COL4A5: variants seen among roughly 807,000 people sequenced by gnomAD.
COL4A5 encodes the protein collagen type IV alpha 5 chain.
COL4A5 carries 26 observed loss-of-function variants against 130.2 expected under a neutral mutation model. The observed-to-expected ratio is 0.20, with a 90% CI of 0.15 to 0.28. The LOEUF is 0.28. Among genes scored for constraint, COL4A5 ranks in the 10% least tolerant of loss-of-function variants. The pLI is 1.00. For synonymous variants in COL4A5, 496 were observed against 439.6 expected, an observed-to-expected ratio of 1.13 and a Z score of -1.60; for missense variants, 1,131 against 1,344.3, an observed-to-expected ratio of 0.84 and a Z score of 2.48.
intron 39 of COL4A5, 63 bp from the exon 40 acceptor site, chrX:108,667,070 G>A (rs749490508): frequency 5.8e-5 from 60 of 1,043,317 alleles, no homozygotes; most frequent in Non-Finnish European, 7.8e-5. Flanking sequence ...AAATAATTTG[G>A]CCTTGTTTCA....
At chrX:108,510,864 C>CAAAT (rs59951631) in intron 1 of COL4A5, among the ~76,000 whole-genome samples, 11,467 of 110,552 alleles carry the variant, frequency 0.1, 1,291 homozygotes, top group African/African-American at 0.33. Flanking sequence ...TTTTAATTGA[C>CAAAT]AATAATTGCA....
intron 1 of COL4A5, among the ~76,000 whole-genome samples, chrX:108,502,355 G>A (rs1373179004): frequency 3.6e-5 from 4 of 111,024 alleles, no homozygotes; most frequent in South Asian, 3.8e-4. Flanking sequence ...GCGCAATCTC[G>A]GCTCACTGCA....
chrX:108,476,519 CTTTTTTT>C (rs55972915), intron 1 of COL4A5, among the ~76,000 whole-genome samples: 1 of 55,875 alleles, frequency 1.8e-5, no homozygotes, highest in Admixed American at 2.1e-4. Context: ...TCTAACTGTT[CTTTTTTT>C]TTTTTTTTTT....
rs2067081737 is a variant in COL4A5, at chrX:108,622,757, G to C, written c.2849G>C (p.Gly950Ala). 8.3e-7 allele frequency: 1 copy of C among 1,209,575 alleles called. No homozygotes were observed. The highest frequency in any genetic ancestry group is 1.8e-5 in the South Asian group (1 of 56,847). The change falls in exon 33 of 53, where the codon GGC becomes GCC. Residue 950 changes from glycine to alanine, a missense_variant. Transcript: ENST00000328300. The part of the protein sequence containing the change: ...KGSKGEPGLP[G>A]PPGPMDPNLL... ...AGTAAAGGAGAGCCTGGCCTTCCAG[G>C]CCCTCCTGGACCAATGGATCCAAAT...
chrX:108,526,593 CTCCT>C (rs1190065583), intron 1 of COL4A5, among the ~76,000 whole-genome samples: 56 of 45,102 alleles, frequency 1.2e-3, no homozygotes, highest in African/African-American at 5.1e-3. Flanking sequence ...CCCTCCCTCC[CTCCT>C]TTCTTTCTTT....
chrX:108,576,384 G>A (rs367986612), intron 10 of COL4A5, among the ~76,000 whole-genome samples: 5 of 111,525 alleles, frequency 4.5e-5, no homozygotes, highest in East Asian at 5.7e-4. Flanking sequence ...TTTCCTAGGC[G>A]CCTGGGACAA....
chrX:108,656,399 T>C (rs1289865451), intron 37 of COL4A5, among the ~76,000 whole-genome samples: 1 of 112,293 alleles, frequency 8.9e-6, no homozygotes, highest in Non-Finnish European at 1.9e-5. Flanking sequence ...AATTACACAT[T>C]CCCCTGTTGA....
chrX:108,687,590 A>T lies in COL4A5; in HGVS notation c.4424A>T (p.Gln1475Leu). ...AHGFLITRHS[Q>L]TTDAPQCPQG... ...GGATTTCTTATTACACGCCACAGCC[A>T]GACAACGGATGCACCACAATGCCCA... is the stretch of plus-strand genomic sequence containing the variant. The change falls in exon 49 of 53, where the codon CAG (glutamine) becomes CTG (leucine). Residue 1475 changes from glutamine (Q) to leucine (L), a missense_variant. Physicochemically the swap from Gln to Leu is moderately radical, Grantham distance 113. Transcript: ENST00000328300. The T allele has an allele frequency of 1.7e-6, 2 of 1,211,576 alleles. No homozygotes were observed. The highest frequency in any genetic ancestry group is 2.2e-6 in the Non-Finnish European group (2 of 895,266).
intron 1 of COL4A5, among the ~76,000 whole-genome samples, chrX:108,497,777 G>C (rs754729129): frequency 2.5e-4 from 28 of 111,620 alleles, no homozygotes; most frequent in African/African-American, 6.5e-4. Context: ...AAGAAAAATT[G>C]TTACTCTGAA....
chrX:108,624,438 G>T, intron 34 of COL4A5, 104 bp downstream of exon 34: 1 of 720,737 alleles, frequency 1.4e-6, no homozygotes. Flanking sequence ...TTTGATCATG[G>T]TAATAAGCTT....
At chrX:108,624,388 T>G in intron 34 of COL4A5, 54 bp downstream of exon 34, 1 of 866,338 alleles carries the variant, frequency 1.2e-6, no homozygotes, top group East Asian at 3.2e-5. Flanking sequence ...GAATTCTGGA[T>G]AAATAATTAT....
At chrX:108,447,797 A>G (rs1367598495) in intron 1 of COL4A5, among the ~76,000 whole-genome samples, 1 of 111,901 alleles carries the variant, frequency 8.9e-6, no homozygotes. Flanking sequence ...CCTTGTGATG[A>G]TAGCAGCTAC....
intron 1 of COL4A5, among the ~76,000 whole-genome samples, chrX:108,508,557 C>CAAAAAAA (rs1182036182): frequency 1.0e-3 from 39 of 38,163 alleles, no homozygotes; most frequent in African/African-American, 2.4e-3. Flanking sequence ...CATGTAGGAC[C>CAAAAAAA]AAAAAAAAAA....
At chrX:108,622,926 A>C in intron 33 of COL4A5, 101 bp downstream of exon 33, 1 of 803,299 alleles carries the variant, frequency 1.2e-6, no homozygotes, top group Non-Finnish European at 1.8e-6. Context: ...TTCACCAACA[A>C]AGGCACTTAA....
intron 1 of COL4A5, among the ~76,000 whole-genome samples, chrX:108,475,170 CTG>C (rs768512579): frequency 9.0e-6 from 1 of 111,084 alleles, no homozygotes; most frequent in South Asian, 3.8e-4. Flanking sequence ...GGCATTGAAT[CTG>C]TGGATCGCTT....
At chrX:108,523,992 C>T (rs1049001297) in intron 1 of COL4A5, among the ~76,000 whole-genome samples, 5 of 111,427 alleles carry the variant, frequency 4.5e-5, no homozygotes, top group Non-Finnish European at 9.4e-5. Flanking sequence ...AAGACTGTGT[C>T]TTATGCAAAG....
Position 108,536,562 on chromosome X carries a change from G to T in COL4A5, c.82-3184G>T, listed in dbSNP as rs111685673. 7.3e-4 allele frequency among the ~76,000 whole-genome samples: 80 copies of T among 110,220 alleles called. No homozygotes were observed. The Middle Eastern group carries it at 0.028, about 38-fold the overall frequency. ...TACTTAATGTTCATTTTACTTCTTT[G>T]CCCCAATCAATTTTGTATTTTAATC... On this transcript the variant is annotated intron_variant, in intron 1 of 52. Coordinates refer to ENST00000328300, the MANE Select transcript of COL4A5 (RefSeq NM_033380.3).
chrX:108,470,716 C>A (rs7880945), intron 1 of COL4A5, among the ~76,000 whole-genome samples: 10,247 of 110,657 alleles, frequency 0.093, 1,088 homozygotes, highest in African/African-American at 0.3. Flanking sequence ...TAAATTATTT[C>A]CCAAGGCTAA....
intron 17 of COL4A5, 50 bp downstream of exon 17, chrX:108,582,987 T>A (rs1178746194): frequency 1.0e-6 from 1 of 976,167 alleles, no homozygotes; most frequent in African/African-American, 1.9e-5. Context: ...GCTAAAATAA[T>A]CCTTTTCTTC....
Sources: gnomAD v4.1 joint callset for allele counts (sites outside exome capture counted in the v4.1 genomes callset) on GRCh38, gnomAD v4.1.1 for gene constraint, MANE v1.5 for transcripts, NCBI Gene and HGNC (gene_info 2026-07-23, HGNC 2026-07-21) for gene names.